Variants in ZFPM1 observed in about 807,000 individuals in gnomAD.
ZFPM1 encodes the protein zinc finger protein, FOG family member 1, also known as zinc finger protein ZFPM1.
In ZFPM1, 28 loss-of-function variants were observed where a neutral mutation model predicts 46.3. That is an observed-to-expected ratio of 0.60 (90% confidence interval 0.45 to 0.83). The LOEUF (loss-of-function observed/expected upper bound fraction) is 0.83, where lower values mean the gene tolerates loss of function less well. Among genes scored for constraint, ZFPM1 ranks in the 40% least tolerant of loss-of-function variants. The probability of loss-of-function intolerance (pLI) is 0.00; values close to 1 mark genes in which losing one functional copy is unlikely to be tolerated. For missense variants in ZFPM1, 1,878 were observed against 1,432.4 expected (o/e 1.31, Z -5.02); for synonymous variants, 957 against 675.9 (o/e 1.42, Z -6.45).
intron 1 of ZFPM1, among the ~76,000 whole-genome samples, chr16:88,478,414 C>G (rs7198986): frequency 0.4 from 61,403 of 152,206 alleles, 12,802 homozygotes; most frequent in East Asian, 0.55. Context: ...TCATAGCCCC[C>G]GAGGGCCTCT....
At chr16:88,521,424 C>G (rs1363453916) in intron 4 of ZFPM1, among the ~76,000 whole-genome samples, 3 of 151,946 alleles carry the variant, frequency 2.0e-5, no homozygotes, top group Admixed American at 6.5e-5. Context: ...CCAGGGGTCC[C>G]AGCCCCATCC....
At chr16:88,527,665 A>C (rs1487502071) in intron 5 of ZFPM1, among the ~76,000 whole-genome samples, 9 of 151,570 alleles carry the variant, frequency 5.9e-5, no homozygotes, top group Non-Finnish European at 1.3e-4. Context: ...CCGCCCTTGG[A>C]CGGTTTCCTG....
intron 1 of ZFPM1, among the ~76,000 whole-genome samples, chr16:88,467,498 T>C (rs80102723): frequency 0.019 from 2,944 of 152,316 alleles, 93 homozygotes; most frequent in African/African-American, 0.068. Flanking sequence ...TTTGCTGCCT[T>C]TTCCTATAAA....
chr16:88,519,312 A>G, intron 4 of ZFPM1, among the ~76,000 whole-genome samples: 3 of 130,334 alleles, frequency 2.3e-5, no homozygotes, highest in Admixed American at 7.5e-5. Context: ...TGAGTGGGTG[A>G]AGGAGTGGAT....
In ZFPM1 at chr16:88,533,249, AAGGCCCTGGCCG is replaced by A. The variant is rs1173606337; in HGVS notation, c.1297_1308del (p.Leu433_Ala436del). On this transcript the variant is annotated inframe_deletion, in exon 10 of 10. Coordinates refer to ENST00000319555, the MANE Select transcript of ZFPM1 (RefSeq NM_153813.3). Reference sequence around the variant, plus strand: ...CACCCCATCGCCAGGACTGGACAGAAAGGCCCTGGCCGAGGCCACCAACGGAGAGGCCAGAGC... The same window carrying A: ...CACCCCATCGCCAGGACTGGACAGAAAGGCCACCAACGGAGAGGCCAGAGC... 18 of 1,558,178 alleles carry A rather than the reference AAGGCCCTGGCCG, an allele frequency of 1.2e-5. No homozygotes were observed. The highest frequency in any genetic ancestry group is 1.4e-5 in the Non-Finnish European group (16 of 1,159,384).
chr16:88,514,365 T>G, intron 3 of ZFPM1, 22 bp from the exon 4 acceptor site: 1 of 1,560,478 alleles, frequency 6.4e-7, no homozygotes, highest in Non-Finnish European at 8.7e-7. Context: ...GCACGCCTCA[T>G]GCCTGCGATG....
intron 3 of ZFPM1, among the ~76,000 whole-genome samples, chr16:88,500,059 C>T (rs1048018421): frequency 3.9e-5 from 6 of 152,216 alleles, no homozygotes; most frequent in Non-Finnish European, 8.8e-5. Flanking sequence ...CCAGGGCAGC[C>T]TATCTCGGCC....
chr16:88,496,933 T>G (rs1909963229), intron 3 of ZFPM1, among the ~76,000 whole-genome samples: 1 of 152,010 alleles, frequency 6.6e-6, no homozygotes, highest in Non-Finnish European at 1.5e-5. Context: ...GGTCCAACCC[T>G]GAGTGGACAT....
intron 3 of ZFPM1, among the ~76,000 whole-genome samples, chr16:88,508,469 A>G (rs1471782475): frequency 2.6e-5 from 4 of 152,184 alleles, no homozygotes; most frequent in African/African-American, 9.7e-5. Flanking sequence ...GTGGCTGCAG[A>G]GCAGGCCACA....
At position 88,456,208 on chromosome 16, in the gene ZFPM1, T is replaced by G. The variant is rs544323990; in HGVS notation, c.40+2530T>G. Among the ~76,000 whole-genome samples, 11 of 152,262 alleles carry G rather than the reference T, an allele frequency of 7.2e-5. No homozygotes were observed. The East Asian group carries it at 2.1e-3, about 29-fold the overall frequency. ...ACAGTCCGTCAAAATGAAAGAAAAC[T>G]GGCTTTGCCCCGGCCAGGAGGGGGA... On this transcript the variant is annotated intron_variant, in intron 1 of 9. Transcript: ENST00000319555.
chr16:88,479,937 GGGGCACGTCC>G (rs1264254185), intron 1 of ZFPM1, among the ~76,000 whole-genome samples: 2 of 149,868 alleles, frequency 1.3e-5, no homozygotes, highest in African/African-American at 4.9e-5. Flanking sequence ...GGAGGAAGAT[GGGGCACGTCC>G]CTGCAGAGTA....
intron 4 of ZFPM1, among the ~76,000 whole-genome samples, chr16:88,523,897 C>T (rs1235663093): frequency 2.0e-5 from 3 of 152,314 alleles, no homozygotes; most frequent in East Asian, 3.9e-4. Context: ...CCCACATACG[C>T]GGGGTGCACT....
chr16:88,509,879 TCACGGAGGGGGC>T (rs1910858381), intron 3 of ZFPM1, among the ~76,000 whole-genome samples: 1 of 151,942 alleles, frequency 6.6e-6, no homozygotes, highest in South Asian at 2.1e-4. Flanking sequence ...CACACGCGCG[TCACGGAGGGGGC>T]CACGGTTCCT....
In ZFPM1 at chr16:88,526,831, G is replaced by T; in HGVS notation, c.420G>T (p.Leu140=). The change falls in exon 5 of 10, where the codon CTG becomes CTT. Residue 140 remains leucine (L), a synonymous_variant. Coordinates refer to ENST00000319555, the MANE Select transcript of ZFPM1 (RefSeq NM_153813.3). ...RQAEPSPALT[L]LLVDEACWLR... The stretch of plus-strand genomic sequence containing the variant: ...CCCCCCAGAGCCCAGCCCTGACCCT[G>T]CTGCTGGTGGACGAGGCCTGCTGGC... The T allele has an allele frequency of 6.8e-7, 1 of 1,477,134 alleles. No individual in the cohort carries two copies. Among genetic ancestry groups the T allele is most frequent in the South Asian group, 1.2e-5 (1 of 83,056 alleles). The allele number at this position is 1,477,134 out of a possible 1,614,324, so 91.5% of individuals were successfully genotyped here.
intron 3 of ZFPM1, among the ~76,000 whole-genome samples, chr16:88,499,406 G>T (rs1019996266): frequency 2.0e-5 from 3 of 152,176 alleles, no homozygotes; most frequent in Admixed American, 2.0e-4. Flanking sequence ...GAGCAGTCGT[G>T]GGGGCCGCGC....
intron 3 of ZFPM1, among the ~76,000 whole-genome samples, chr16:88,502,298 G>A (rs928972621): frequency 2.6e-5 from 4 of 151,994 alleles, no homozygotes; most frequent in Admixed American, 6.5e-5. Context: ...ATGCTATCTC[G>A]GGTTTATTGC....
rs993531131 is a variant in ZFPM1 at position 88,469,544 on chromosome 16, T to C, written c.40+15866T>C. On this transcript the variant is annotated intron_variant, in intron 1 of 9. Coordinates refer to ENST00000319555, the MANE Select transcript of ZFPM1 (RefSeq NM_153813.3). The surrounding 1 kb of genome is among the most constrained non-coding windows in gnomAD (Gnocchi z 4.3). ...GAAATTCATGTGCCAGGAGACCATG[T>C]CTACAGGGGGCTTAGGACACCTTAG... 1.3e-5 allele frequency among the ~76,000 whole-genome samples: 2 copies of C among 152,148 alleles called. No homozygotes were observed. The highest frequency in any genetic ancestry group is 4.8e-5 in the African/African-American group (2 of 41,436).
At chr16:88,491,049 G>A (rs1909541068) in intron 3 of ZFPM1, among the ~76,000 whole-genome samples, 1 of 149,724 alleles carries the variant, frequency 6.7e-6, no homozygotes, top group Admixed American at 6.6e-5. Context: ...TGCCTTCGGG[G>A]GTCTCGGTCA....
intron 3 of ZFPM1, among the ~76,000 whole-genome samples, chr16:88,491,093 C>G (rs1393958788): frequency 6.6e-6 from 1 of 151,484 alleles, no homozygotes; most frequent in African/African-American, 2.4e-5. Context: ...CAGTCAGGCG[C>G]TGGTGCCTTC....
Sources: allele counts gnomAD v4.1 joint callset (sites outside exome capture counted in the v4.1 genomes callset), GRCh38; gene constraint gnomAD v4.1.1; non-coding constraint Gnocchi (gnomAD v3.1); transcripts MANE v1.5; gene names NCBI Gene and HGNC (gene_info 2026-07-23, HGNC 2026-07-21).